DIRAS2: variants seen among roughly 807,000 people sequenced by gnomAD.
DIRAS2 encodes DIRAS family GTPase 2, also known as GTP-binding protein Di-Ras2.
DIRAS2 carries 5 observed loss-of-function variants against 13.9 expected under a neutral mutation model. The ratio of observed to expected loss-of-function variants is 0.36; its 90% confidence interval spans 0.19 to 0.76. The LOEUF (loss-of-function observed/expected upper bound fraction) is 0.76, where lower values mean the gene tolerates loss of function less well. Ranked by LOEUF, DIRAS2 falls within the 30% of genes least tolerant of loss-of-function variation. The pLI, the probability that DIRAS2 is intolerant of heterozygous loss-of-function variation, is 0.53. For synonymous variants in DIRAS2, 111 were observed against 105.4 expected (o/e 1.05, Z -0.33); for missense variants, 191 against 263.0 (o/e 0.73, Z 1.89).
rs115222014 is a variant in DIRAS2 at position 90,640,916 on chromosome 9, A to G, written c.-37+1836T>C. Among the ~76,000 whole-genome samples, 179 of 152,302 alleles carry G rather than the reference A, an allele frequency of 1.2e-3. 1 individual carries two copies. The highest frequency in any genetic ancestry group is 4.2e-3 in the African/African-American group (176 of 41,564). On this transcript the variant is annotated intron_variant, in intron 1 of 1. Transcript: ENST00000375765. ...ATATCAACTCTGGTCTCCAAATTAGAAGAAGAATGAACAATACTTTTTATT... is the reference window on the plus strand; with the variant it reads ...ATATCAACTCTGGTCTCCAAATTAGGAGAAGAATGAACAATACTTTTTATT...
chr9:90,612,971 T>C lies in DIRAS2; in HGVS notation c.*257A>G. On this transcript the variant is annotated 3_prime_UTR_variant, in exon 2 of 2. Coordinates refer to ENST00000375765, the MANE Select transcript of DIRAS2 (RefSeq NM_017594.5). ...GGTGTTCATCGCCACCTTCAGCAAT[T>C]GCTGGCACCTCTCAGTTCCCAGGGA... The C allele has an allele frequency of 2.0e-6, 1 of 493,074 alleles. No homozygotes were observed. Among genetic ancestry groups the C allele is most frequent in the Non-Finnish European group, 3.6e-6 (1 of 276,500 alleles). The allele number at this position is 493,074 out of a possible 1,614,324, so 30.5% of individuals were successfully genotyped here.
At chr9:90,634,121 C>T (rs915597157) in intron 1 of DIRAS2, among the ~76,000 whole-genome samples, 6 of 152,060 alleles carry the variant, frequency 3.9e-5, no homozygotes, top group Non-Finnish European at 8.8e-5. Context: ...CCCTCTGGTC[C>T]CCCTAGAAAT....
chr9:90,642,649 G>C (rs1242301712), intron 1 of DIRAS2, 103 bp downstream of exon 1: 11 of 153,102 alleles, frequency 7.2e-5, no homozygotes, highest in Admixed American at 5.9e-4. Flanking sequence ...CCCTCCCTGA[G>C]AGCGGTAATC....
chr9:90,613,170 C>A lies in DIRAS2; in HGVS notation c.*58G>T. The A allele has an allele frequency of 6.4e-7, 1 of 1,566,494 alleles. No homozygotes were observed. The highest frequency in any genetic ancestry group is 8.6e-7 in the Non-Finnish European group (1 of 1,157,722). ...ATGCTACCCTGACGACGGTGGGTGT[C>A]ATTTTGGGGGAGTGAGGTGCCGGGG... On this transcript the variant is annotated 3_prime_UTR_variant, in exon 2 of 2. Coordinates refer to ENST00000375765, the MANE Select transcript of DIRAS2 (RefSeq NM_017594.5). The surrounding 1 kb of genome is among the most constrained non-coding windows in gnomAD (Gnocchi z 5.6).
At chr9:90,629,360 T>C (rs1028749144) in intron 1 of DIRAS2, among the ~76,000 whole-genome samples, 1 of 152,162 alleles carries the variant, frequency 6.6e-6, no homozygotes, top group Admixed American at 6.5e-5. Flanking sequence ...TTTTAAAAAA[T>C]GCTTAGAATC....
intron 1 of DIRAS2, among the ~76,000 whole-genome samples, chr9:90,633,289 G>A (rs563157487): frequency 2.0e-5 from 3 of 152,298 alleles, no homozygotes; most frequent in African/African-American, 4.8e-5. Context: ...GTGATGGGTC[G>A]GTGGGAAAAG....
Position 90,613,567 on chromosome 9 carries a change from G to A in DIRAS2, c.261C>T (p.Ser87=), listed in dbSNP as rs1177148180. Residue 87 remains serine, a synonymous_variant, in exon 2 of 2, where the codon TCC becomes TCT. Transcript: ENST00000375765. This position sits in a 1 kb window ranked among gnomAD's most constrained non-coding sequence, Gnocchi z 5.6. ...SKGHAFILVY[S]ITSRQSLEEL... is the part of the protein sequence containing the mutation. The stretch of plus-strand genomic sequence containing the variant: ...CCTCCAAGGACTGTCGGCTGGTAAT[G>A]GAGTACACCAGGATGAAGGCGTGCC... 8.1e-6 allele frequency: 13 copies of A among 1,614,078 alleles called. No homozygotes were observed. The highest frequency in any genetic ancestry group is 1.1e-5 in the Non-Finnish European group (13 of 1,180,042).
chr9:90,637,771 C>G (rs530314351), intron 1 of DIRAS2, among the ~76,000 whole-genome samples: 1 of 152,088 alleles, frequency 6.6e-6, no homozygotes, highest in Admixed American at 6.6e-5. Context: ...CGTGGCTCTC[C>G]GGCTGTGCTT....
chr9:90,636,230 G>T (rs1231134055), intron 1 of DIRAS2, among the ~76,000 whole-genome samples: 1 of 151,616 alleles, frequency 6.6e-6, no homozygotes, highest in Non-Finnish European at 1.5e-5. Context: ...AGCAGAGATG[G>T]GGTTTCACGG....
chr9:90,622,265 A>C (rs199980881), intron 1 of DIRAS2, among the ~76,000 whole-genome samples: 23 of 146,940 alleles, frequency 1.6e-4, no homozygotes, highest in African/African-American at 3.4e-4. Flanking sequence ...TAAATAAATA[A>C]ATACATACAT....
At chr9:90,639,032 T>C (rs1286026449) in intron 1 of DIRAS2, among the ~76,000 whole-genome samples, 1 of 152,172 alleles carries the variant, frequency 6.6e-6, no homozygotes, top group Non-Finnish European at 1.5e-5. Flanking sequence ...GGAAAGTTCT[T>C]GCGTTCTTAT....
chr9:90,634,608 A>G (rs1031478193), intron 1 of DIRAS2, among the ~76,000 whole-genome samples: 2 of 152,212 alleles, frequency 1.3e-5, no homozygotes, highest in South Asian at 2.1e-4. Flanking sequence ...AGGAACTCCT[A>G]TGGGGAGATG....
intron 1 of DIRAS2, among the ~76,000 whole-genome samples, chr9:90,626,466 A>G (rs1445840836): frequency 6.6e-6 from 1 of 151,956 alleles, no homozygotes; most frequent in Non-Finnish European, 1.5e-5. Flanking sequence ...AAAGACAAGA[A>G]ACTTGAATAG....
intron 1 of DIRAS2, among the ~76,000 whole-genome samples, chr9:90,632,646 T>C (rs917259418): frequency 1.3e-5 from 2 of 152,230 alleles, no homozygotes; most frequent in Non-Finnish European, 2.9e-5. Flanking sequence ...GTCTGTTCCA[T>C]TCATTCCTGT....
At chr9:90,616,178 A>T (rs1031329009) in intron 1 of DIRAS2, among the ~76,000 whole-genome samples, 1 of 152,244 alleles carries the variant, frequency 6.6e-6, no homozygotes, top group Non-Finnish European at 1.5e-5. Flanking sequence ...TGTCTCCATT[A>T]TTAAACTGGC....
intron 1 of DIRAS2, among the ~76,000 whole-genome samples, chr9:90,631,073 T>C (rs1825320408): frequency 6.6e-6 from 1 of 152,210 alleles, no homozygotes; most frequent in Admixed American, 6.5e-5. Context: ...TATATTTTTA[T>C]TACGTATCAA....
In DIRAS2 at chr9:90,610,208, T is replaced by C. The variant is rs139797799; in HGVS notation, c.*3020A>G. 7.2e-4 allele frequency: 276 copies of C among 382,188 alleles called. No homozygotes were observed. Among genetic ancestry groups the C allele is most frequent in the African/African-American group, 5.1e-3 (247 of 48,448 alleles). 23.7% of individuals were successfully genotyped at this position (382,188 alleles called of 1,614,324 possible). A position where few individuals can be genotyped will look rare whatever the true frequency, so the allele number is the denominator to read the frequency against. On this transcript the variant is annotated 3_prime_UTR_variant, in exon 2 of 2. Transcript: ENST00000375765. ...ACAGAGCAATTTTTAAAATATTTAA[T>C]ACATTTTTGTTCTACAAAGAATGAG...
chr9:90,634,483 A>G (rs770280598), intron 1 of DIRAS2, among the ~76,000 whole-genome samples: 16 of 152,238 alleles, frequency 1.1e-4, no homozygotes, highest in Non-Finnish European at 4.4e-5. Context: ...GCAGGCTTCC[A>G]GTCAAGGCCA....
chr9:90,613,024 C>A lies in DIRAS2; in HGVS notation c.*204G>T. The A allele has an allele frequency of 7.4e-6, 5 of 671,744 alleles. No individual in the cohort carries two copies. In the South Asian group the frequency reaches 1.0e-4, roughly 14 times the overall value. 41.6% of individuals were successfully genotyped at this position (671,744 alleles called of 1,614,324 possible). On this transcript the variant is annotated 3_prime_UTR_variant, in exon 2 of 2. Transcript: ENST00000375765. The surrounding 1 kb of genome is among the most constrained non-coding windows in gnomAD (Gnocchi z 5.6). ...CTGAGTGTGTTGGTTTTCACTTGAA[C>A]CGCCTGGCAGATTCTGTGACTCCAG...
Sources: gnomAD v4.1 joint callset for allele counts (sites outside exome capture counted in the v4.1 genomes callset) on GRCh38, gnomAD v4.1.1 for gene constraint, Gnocchi (gnomAD v3.1) non-coding constraint, MANE v1.5 for transcripts, NCBI Gene and HGNC (gene_info 2026-07-23, HGNC 2026-07-21) for gene names.